The following PIK3C2G variants were observed in gnomAD, a reference collection of about 807,000 sequenced individuals.
PIK3C2G encodes the protein phosphatidylinositol-4-phosphate 3-kinase catalytic subunit type 2 gamma.
Under a neutral mutation model 181.1 loss-of-function variants are expected in PIK3C2G, and 168 were observed. The observed-to-expected ratio is 0.93, with a 90% CI of 0.82 to 1.05. PIK3C2G has a LOEUF of 1.05. Ranked by LOEUF, PIK3C2G falls within the 50% of genes least tolerant of loss-of-function variation. PIK3C2G has a pLI of 0.00. For synonymous variants in PIK3C2G, 573 were observed against 592.2 expected, an observed-to-expected ratio of 0.97 and a Z score of 0.47; for missense variants, 1,869 against 1,732.8, an observed-to-expected ratio of 1.08 and a Z score of -1.40.
At chr12:18,459,196 A>T (rs1237799374) in intron 18 of PIK3C2G, among the ~76,000 whole-genome samples, 1 of 152,156 alleles carries the variant, frequency 6.6e-6, no homozygotes, top group African/African-American at 2.4e-5. Flanking sequence ...ATAAGTTAAA[A>T]TTTTTTAAGT....
chr12:18,554,529 A>T (rs1592567754), intron 26 of PIK3C2G, among the ~76,000 whole-genome samples: 1 of 151,996 alleles, frequency 6.6e-6, no homozygotes, highest in East Asian at 1.9e-4. Context: ...TGCTTTTTCC[A>T]TGTGTGCAAT....
intron 11 of PIK3C2G, among the ~76,000 whole-genome samples, chr12:18,357,328 G>T (rs1940834990): frequency 6.6e-6 from 1 of 151,828 alleles, no homozygotes; most frequent in Non-Finnish European, 1.5e-5. Flanking sequence ...ATGTTGGAAA[G>T]CTCATCAGAT....
chr12:18,303,102 C>CTTTTTCTT (rs1205145972), intron 5 of PIK3C2G, among the ~76,000 whole-genome samples: 3 of 106,776 alleles, frequency 2.8e-5, no homozygotes, highest in Non-Finnish European at 6.2e-5. Flanking sequence ...TTTTCTTTCT[C>CTTTTTCTT]TTTCTTTCTT....
chr12:18,430,664 T>C (rs1946103930), intron 18 of PIK3C2G, among the ~76,000 whole-genome samples: 1 of 152,134 alleles, frequency 6.6e-6, no homozygotes, highest in Non-Finnish European at 1.5e-5. Flanking sequence ...CTGGCCTGGC[T>C]AAAGCAATTC....
intron 18 of PIK3C2G, among the ~76,000 whole-genome samples, chr12:18,476,679 A>C (rs1407861788): frequency 6.6e-6 from 1 of 152,126 alleles, no homozygotes; most frequent in Admixed American, 6.6e-5. Context: ...AGGTGAGAGA[A>C]GGGCCAAGGA....
intron 24 of PIK3C2G, among the ~76,000 whole-genome samples, chr12:18,527,240 A>G (rs1943286461): frequency 6.6e-6 from 1 of 152,208 alleles, no homozygotes; most frequent in Non-Finnish European, 1.5e-5. Context: ...CTCTAAATTC[A>G]GTTTTAGACT....
the PIK3C2G span, among the ~76,000 whole-genome samples, chr12:18,716,859 G>C: frequency 1.3e-5 from 2 of 152,082 alleles, no homozygotes; most frequent in African/African-American, 4.8e-5. Context: ...ATAAATTTAA[G>C]AATCTTTTGG....
In PIK3C2G at chr12:18,608,648, G is replaced by GTA. The variant is rs1364530365; in HGVS notation, c.4088-879_4088-878dup. Among the ~76,000 whole-genome samples, 24 of 152,048 alleles carry GTA rather than the reference G, an allele frequency of 1.6e-4. No individual in the cohort carries two copies. In the South Asian group the frequency reaches 5.0e-3, roughly 32 times the overall value. Reference sequence around the variant, plus strand: ...GGTGCAGCACACCAACATGGCACATGTATATATATGTAACAAACCTGCACG... The same window carrying GTA: ...GGTGCAGCACACCAACATGGCACATGTATATATATATGTAACAAACCTGCACG... On this transcript the variant is annotated intron_variant, in intron 30 of 32. Transcript: ENST00000538779.
intron 1 of PIK3C2G, among the ~76,000 whole-genome samples, chr12:18,280,414 T>C (rs926556442): frequency 6.6e-6 from 1 of 151,980 alleles, no homozygotes; most frequent in African/African-American, 2.4e-5. Context: ...TTTGAAGAAA[T>C]AATATTTCAA....
intron 31 of PIK3C2G, among the ~76,000 whole-genome samples, chr12:18,634,122 C>A (rs1317851811): frequency 6.6e-6 from 1 of 152,138 alleles, no homozygotes; most frequent in East Asian, 1.9e-4. Context: ...AAGGCCATTT[C>A]ATCGTTCTGT....
intron 24 of PIK3C2G, among the ~76,000 whole-genome samples, chr12:18,526,865 C>G (rs1039355291): frequency 6.6e-6 from 1 of 152,108 alleles, no homozygotes; most frequent in Non-Finnish European, 1.5e-5. Flanking sequence ...TTTGACTTTA[C>G]CTCATCGTTC....
chr12:18,382,014 T>C (rs1942877098), intron 14 of PIK3C2G, 134 bp downstream of exon 14: 1 of 643,862 alleles, frequency 1.6e-6, no homozygotes, highest in African/African-American at 1.8e-5. Flanking sequence ...CCTTCTGGGA[T>C]TTGTGAAACC....
intron 9 of PIK3C2G, among the ~76,000 whole-genome samples, chr12:18,339,419 C>G (rs1938904659): frequency 6.6e-6 from 1 of 152,034 alleles, no homozygotes; most frequent in African/African-American, 2.4e-5. Context: ...AAACTCAACA[C>G]TTACAGTGTG....
chr12:18,711,074 C>T, the PIK3C2G span, among the ~76,000 whole-genome samples: 2 of 152,010 alleles, frequency 1.3e-5, no homozygotes. Flanking sequence ...GCTATAAAGA[C>T]ATATGCACAT....
Position 18,563,398 on chromosome 12 carries a change from CACAGCAACAACGAA to C in PIK3C2G, c.3806_3819del (p.Ser1269LysfsTer8), listed in dbSNP as rs1375071085. The C allele has an allele frequency of 6.2e-7, 1 of 1,612,530 alleles. No homozygotes were observed. The highest frequency in any genetic ancestry group is 1.3e-5 in the African/African-American group (1 of 74,900). Reference sequence around the variant, plus strand: ...GCAGCTGTATCTGATCCAGGTGACACACAGCAACAACGAAACAAGCCTGACAGAAAAATCATTTG... The same window carrying C: ...GCAGCTGTATCTGATCCAGGTGACACACAAGCCTGACAGAAAAATCATTTG... On this transcript the variant is annotated frameshift_variant, in exon 28 of 33. Coordinates refer to ENST00000538779, the MANE Select transcript of PIK3C2G (RefSeq NM_001288772.2). LOFTEE classifies it high-confidence loss of function.
chr12:18,320,833 A>C, intron 6 of PIK3C2G, 129 bp from the exon 7 acceptor site: 1 of 626,596 alleles, frequency 1.6e-6, no homozygotes, highest in Non-Finnish European at 2.9e-6. Context: ...TTCAGACAGA[A>C]TATAAAAGCG....
intron 18 of PIK3C2G, among the ~76,000 whole-genome samples, chr12:18,456,890 G>A (rs1308830073): frequency 6.6e-6 from 1 of 152,104 alleles, no homozygotes; most frequent in Non-Finnish European, 1.5e-5. Flanking sequence ...TTTAGCTCCT[G>A]TATCATTTAT....
intron 6 of PIK3C2G, among the ~76,000 whole-genome samples, chr12:18,316,517 G>A (rs999455634): frequency 6.6e-6 from 1 of 152,090 alleles, no homozygotes; most frequent in Non-Finnish European, 1.5e-5. Context: ...CAACTTACAA[G>A]CTTATCCATC....
intron 32 of PIK3C2G, among the ~76,000 whole-genome samples, chr12:18,643,724 A>T (rs1257934631): frequency 1.3e-5 from 2 of 151,888 alleles, no homozygotes; most frequent in African/African-American, 4.8e-5. Context: ...ACCTTACTAG[A>T]TGTCTTTACC....
Sources: allele counts gnomAD v4.1 joint callset (sites outside exome capture counted in the v4.1 genomes callset), GRCh38; gene constraint gnomAD v4.1.1; transcripts MANE v1.5; gene names NCBI Gene and HGNC (gene_info 2026-07-23, HGNC 2026-07-21).